Variants in SULF1 observed in about 807,000 individuals in gnomAD.
SULF1 encodes extracellular sulfatase Sulf-1.
SULF1 carries 46 observed loss-of-function variants against 110.5 expected under a neutral mutation model. The observed-to-expected ratio is 0.42, with a 90% CI of 0.33 to 0.53. The LOEUF is 0.53. Among genes scored for constraint, SULF1 ranks in the 20% least tolerant of loss-of-function variants. The pLI is 0.12. For synonymous variants in SULF1, 371 were observed against 387.1 expected (o/e 0.96, Z 0.49); for missense variants, 941 against 1,094.2 (o/e 0.86, Z 1.98).
rs749807696 is a variant in SULF1 at position 69,619,497 on chromosome 8, G to GT, written c.1378-1537dup. Reference sequence around the variant, plus strand: ...ATTATTTCAGCCAGGTTGAGATTCAGTAAGTGCAAGGACACTTAGTCCAGA... The same window carrying GT: ...ATTATTTCAGCCAGGTTGAGATTCAGTTAAGTGCAAGGACACTTAGTCCAGA... On this transcript the variant is annotated intron_variant, in intron 13 of 22. Transcript: ENST00000402687. Among the ~76,000 whole-genome samples the GT allele has an allele frequency of 1.4e-4, 21 of 152,344 alleles. 1 individual carries two copies. The highest frequency in any genetic ancestry group is 4.1e-4 in the South Asian group (2 of 4,822).
intron 6 of SULF1, among the ~76,000 whole-genome samples, chr8:69,583,406 T>TAA (rs5892206): frequency 2.2e-5 from 3 of 137,066 alleles, no homozygotes; most frequent in African/African-American, 2.7e-5. Flanking sequence ...CATCTCTATT[T>TAA]AAAAAAAAAA....
intron 1 of SULF1, among the ~76,000 whole-genome samples, chr8:69,472,082 A>G (rs1280049672): frequency 6.6e-6 from 1 of 152,152 alleles, no homozygotes; most frequent in African/African-American, 2.4e-5. Flanking sequence ...CTGTAGGGAC[A>G]GTAGTGACAG....
chr8:69,506,259 C>CACAA (rs1421057048), intron 3 of SULF1, among the ~76,000 whole-genome samples: 1 of 151,862 alleles, frequency 6.6e-6, no homozygotes, highest in Non-Finnish European at 1.5e-5. Flanking sequence ...CACACACACA[C>CACAA]AATCAATACC....
At chr8:69,508,990 A>T (rs7831599) in intron 3 of SULF1, among the ~76,000 whole-genome samples, 75,132 of 152,036 alleles carry the variant, frequency 0.49, 19,940 homozygotes, top group South Asian at 0.65. Flanking sequence ...GAGAGTCAAG[A>T]TATCGGCTCT....
At chr8:69,653,227 A>C (rs1812484901) in intron 22 of SULF1, among the ~76,000 whole-genome samples, 1 of 151,770 alleles carries the variant, frequency 6.6e-6, no homozygotes. Flanking sequence ...GTGCCACCAC[A>C]CTCAGCTAAT....
chr8:69,474,518 G>A (rs1311824749), intron 1 of SULF1, among the ~76,000 whole-genome samples: 5 of 152,140 alleles, frequency 3.3e-5, no homozygotes, highest in African/African-American at 2.4e-5. Context: ...TATAAAAAGT[G>A]CATCCCACAA....
intron 3 of SULF1, among the ~76,000 whole-genome samples, chr8:69,502,658 A>G (rs1203232915): frequency 8.2e-6 from 1 of 122,156 alleles, no homozygotes; most frequent in African/African-American, 3.1e-5. Flanking sequence ...TATTTGCTTG[A>G]TTTTTTTTTT....
chr8:69,640,791 G>T lies in SULF1; in HGVS notation c.2552-17G>T, dbSNP rs756168908. 4 of 1,606,676 alleles carry T rather than the reference G, an allele frequency of 2.5e-6. No individual in the cohort carries two copies. Among genetic ancestry groups the T allele is most frequent in the East Asian group, 2.2e-5 (1 of 44,708 alleles). On this transcript the variant is annotated splice_polypyrimidine_tract_variant and intron_variant, in intron 21 of 22. Coordinates refer to ENST00000402687, the MANE Select transcript of SULF1 (RefSeq NM_001128205.2). ...TCTAAAGCTAACAGAAATTACTCTTGTATTTTCCTATATCAGGAAATAAAG... is the reference window on the plus strand; with the variant it reads ...TCTAAAGCTAACAGAAATTACTCTTTTATTTTCCTATATCAGGAAATAAAG...
chr8:69,654,490 T>C (rs1025587187), intron 22 of SULF1, among the ~76,000 whole-genome samples: 1 of 152,224 alleles, frequency 6.6e-6, no homozygotes, highest in African/African-American at 2.4e-5. Context: ...TTTTGCCAGA[T>C]GGGGTGAAGG....
chr8:69,567,024 G>T (rs548394797), intron 5 of SULF1, among the ~76,000 whole-genome samples: 1 of 152,226 alleles, frequency 6.6e-6, no homozygotes, highest in South Asian at 2.1e-4. Context: ...CCACAGCTAC[G>T]TATTTAACCA....
At chr8:69,528,341 G>C (rs763762049) in intron 3 of SULF1, among the ~76,000 whole-genome samples, 1 of 152,156 alleles carries the variant, frequency 6.6e-6, no homozygotes, top group Non-Finnish European at 1.5e-5. Context: ...GGATGGGTTT[G>C]AGTTAATAAT....
rs1815154487 is a variant in SULF1, at chr8:69,556,933, C to T, written c.-133-6606C>T. ...GTCCCTCCCCCAACCCTAAAGAACCCCCAACAGGCCCCAGCGTGTGCTGTT... is the reference window on the plus strand; with the variant it reads ...GTCCCTCCCCCAACCCTAAAGAACCTCCAACAGGCCCCAGCGTGTGCTGTT... On this transcript the variant is annotated intron_variant, in intron 3 of 22. Coordinates refer to ENST00000402687, the MANE Select transcript of SULF1 (RefSeq NM_001128205.2). Among the ~76,000 whole-genome samples the T allele has an allele frequency of 2.6e-5, 4 of 152,064 alleles. No individual in the cohort carries two copies. In the South Asian group the frequency reaches 8.3e-4, roughly 32 times the overall value.
At chr8:69,531,074 T>C (rs1476575741) in intron 3 of SULF1, among the ~76,000 whole-genome samples, 1 of 152,110 alleles carries the variant, frequency 6.6e-6, no homozygotes, top group Admixed American at 6.6e-5. Context: ...CCAAGAATGG[T>C]TGGGGATCAA....
intron 22 of SULF1, among the ~76,000 whole-genome samples, chr8:69,641,703 C>T (rs1035472660): frequency 6.6e-6 from 1 of 152,076 alleles, no homozygotes; most frequent in Non-Finnish European, 1.5e-5. Context: ...ATGATAGTGA[C>T]ACTGACCTCC....
chr8:69,516,572 C>T (rs1345772281), intron 3 of SULF1, among the ~76,000 whole-genome samples: 1 of 152,156 alleles, frequency 6.6e-6, no homozygotes, highest in Non-Finnish European at 1.5e-5. Context: ...ATGAGAATTG[C>T]ACCTTTCATT....
intron 8 of SULF1, among the ~76,000 whole-genome samples, chr8:69,595,445 C>T (rs1807232945): frequency 6.6e-6 from 1 of 152,116 alleles, no homozygotes; most frequent in African/African-American, 2.4e-5. Flanking sequence ...TGGTATTATC[C>T]TGCATATGTT....
intron 1 of SULF1, among the ~76,000 whole-genome samples, chr8:69,483,537 A>G (rs1220264654): frequency 6.6e-6 from 1 of 152,200 alleles, no homozygotes; most frequent in Admixed American, 6.5e-5. Flanking sequence ...TTAAATTCCA[A>G]TATGCCTTCT....
chr8:69,616,822 G>A (rs532638356), intron 13 of SULF1, among the ~76,000 whole-genome samples: 1 of 151,794 alleles, frequency 6.6e-6, no homozygotes, highest in East Asian at 1.9e-4. Flanking sequence ...CAAAGTGCTG[G>A]GATTACAGGC....
chr8:69,505,996 G>T (rs935294266), intron 3 of SULF1, among the ~76,000 whole-genome samples: 5 of 151,102 alleles, frequency 3.3e-5, no homozygotes, highest in Middle Eastern at 3.2e-3. Flanking sequence ...TTTAACTATT[G>T]TTGGCCTACA....
Sources: gnomAD v4.1 joint callset for allele counts (sites outside exome capture counted in the v4.1 genomes callset) on GRCh38, gnomAD v4.1.1 for gene constraint, MANE v1.5 for transcripts, NCBI Gene and HGNC (gene_info 2026-07-23, HGNC 2026-07-21) for gene names.